Variants in HTR4 observed in about 807,000 individuals in gnomAD.
HTR4 encodes 5-hydroxytryptamine (serotonin) receptor 4, G protein-coupled.
In HTR4, 16 loss-of-function variants were observed where a neutral mutation model predicts 36.8. That is an observed-to-expected ratio of 0.43 (90% CI 0.29 to 0.66). The LOEUF (loss-of-function observed/expected upper bound fraction) is 0.66. HTR4 is among the 30% of genes least tolerant of loss of function. The probability of loss-of-function intolerance (pLI) is 0.13; values close to 1 mark genes in which losing one functional copy is unlikely to be tolerated. For synonymous variants in HTR4, 189 were observed against 185.1 expected, an observed-to-expected ratio of 1.02 and a Z score of -0.17; for missense variants, 438 against 490.9, an observed-to-expected ratio of 0.89 and a Z score of 1.02.
At chr5:148,653,466 A>G (rs1364918669) in intron 1 of HTR4, among the ~76,000 whole-genome samples, 1 of 152,184 alleles carries the variant, frequency 6.6e-6, no homozygotes, top group African/African-American at 2.4e-5. Flanking sequence ...GGATTCTGTG[A>G]AAGGCAACTG....
Position 148,494,242 on chromosome 5 carries a change from A to G in HTR4, c.1077-10949T>C, listed in dbSNP as rs1348225891. Among the ~76,000 whole-genome samples, 4 of 152,244 alleles carry G rather than the reference A, an allele frequency of 2.6e-5. No individual in the cohort carries two copies. The East Asian group carries it at 5.8e-4, about 22-fold the overall frequency. ...GAACATGTGTTTATTTAACAAATATATTAATTGAGCAATTTCTGCACCATG... is the reference window on the plus strand; with the variant it reads ...GAACATGTGTTTATTTAACAAATATGTTAATTGAGCAATTTCTGCACCATG... On this transcript the variant is annotated intron_variant, in intron 6 of 6. Transcript: ENST00000377888.
At chr5:148,462,355 G>A (rs1018610844) in intron 5 of HTR4, among the ~76,000 whole-genome samples, 2 of 152,022 alleles carry the variant, frequency 1.3e-5, no homozygotes, top group South Asian at 2.1e-4. Context: ...GACACCATGG[G>A]CATTAAAGGG....
At chr5:148,574,740 C>T (rs1760823730) in intron 2 of HTR4, among the ~76,000 whole-genome samples, 1 of 152,116 alleles carries the variant, frequency 6.6e-6, no homozygotes, top group South Asian at 2.1e-4. Context: ...TGAGGGACCA[C>T]AGTTCCTGTA....
intron 2 of HTR4, among the ~76,000 whole-genome samples, chr5:148,609,286 C>T (rs996750107): frequency 6.6e-6 from 1 of 152,102 alleles, no homozygotes; most frequent in Non-Finnish European, 1.5e-5. Flanking sequence ...GATCACATGC[C>T]CCCAAATAAA....
At chr5:148,478,788 C>T (rs905266647), downstream of HTR4, among the ~76,000 whole-genome samples, 1 of 151,966 alleles carries the variant, frequency 6.6e-6, no homozygotes, top group Admixed American at 6.6e-5. Flanking sequence ...TCTTGTCCAC[C>T]CCTGGCATTT....
At position 148,600,328 on chromosome 5, in the gene HTR4, G is replaced by A. The variant is rs1444636705; in HGVS notation, c.26+36661C>T. Reference sequence around the variant, plus strand: ...TATTATATTATATATTTTAATATATGTATATTATTTATATATATATATTTT... The same window carrying A: ...TATTATATTATATATTTTAATATATATATATTATTTATATATATATATTTT... On this transcript the variant is annotated intron_variant, in intron 2 of 6. Coordinates refer to ENST00000377888, the MANE Select transcript of HTR4 (RefSeq NM_000870.7). 3.5e-5 allele frequency among the ~76,000 whole-genome samples: 5 copies of A among 144,352 alleles called. No homozygotes were observed. The South Asian group carries it at 8.6e-4, about 25-fold the overall frequency. The allele number at this position is 144,352 out of a possible 152,430, so 94.7% of individuals were successfully genotyped here. A position where few individuals can be genotyped will look rare whatever the true frequency, so the allele number is the denominator to read the frequency against.
chr5:148,464,033 G>GAAAAAAAAAAAA (rs1247755469), intron 5 of HTR4, among the ~76,000 whole-genome samples: 1 of 56,968 alleles, frequency 1.8e-5, no homozygotes. Flanking sequence ...ACATTGACAT[G>GAAAAAAAAAAAA]CAAAAAAAAA....
intron 6 of HTR4, among the ~76,000 whole-genome samples, chr5:148,507,814 A>G (rs1041520274): frequency 2.6e-5 from 4 of 152,202 alleles, no homozygotes; most frequent in Admixed American, 2.6e-4. Context: ...ACCAGAGCAT[A>G]CGCTGTTTGT....
At chr5:148,574,811 G>A (rs539196208) in intron 2 of HTR4, among the ~76,000 whole-genome samples, 20 of 152,178 alleles carry the variant, frequency 1.3e-4, no homozygotes, top group Non-Finnish European at 2.5e-4. Flanking sequence ...TACAGTAAGT[G>A]AAATTTCCAC....
intron 2 of HTR4, among the ~76,000 whole-genome samples, chr5:148,619,918 AG>A (rs1375899611): frequency 2.6e-5 from 4 of 152,270 alleles, no homozygotes; most frequent in Non-Finnish European, 5.9e-5. Flanking sequence ...AATATAAAAA[AG>A]GATACCAAAA....
At chr5:148,609,764 C>T (rs1752333529) in intron 2 of HTR4, among the ~76,000 whole-genome samples, 2 of 152,096 alleles carry the variant, frequency 1.3e-5, no homozygotes, top group South Asian at 4.1e-4. Context: ...GACGGGGTTT[C>T]ACCGTGTTAG....
intron 1 of HTR4, among the ~76,000 whole-genome samples, chr5:148,640,617 T>G (rs1027398413): frequency 3.3e-5 from 5 of 152,194 alleles, no homozygotes; most frequent in African/African-American, 1.2e-4. Context: ...AGCAGTGTCT[T>G]AAGATAATTT....
intron 2 of HTR4, among the ~76,000 whole-genome samples, chr5:148,570,313 C>T (rs541665821): frequency 6.6e-6 from 1 of 152,208 alleles, no homozygotes; most frequent in East Asian, 1.9e-4. Flanking sequence ...AGCAGGCAGT[C>T]CCTTCCCTCA....
chr5:148,602,541 A>G lies in HTR4; in HGVS notation c.26+34448T>C, dbSNP rs114427234. 1.6e-3 allele frequency among the ~76,000 whole-genome samples: 241 copies of G among 152,334 alleles called. 3 individuals are homozygous for G. The highest frequency in any genetic ancestry group is 5.5e-3 in the African/African-American group (229 of 41,586). On this transcript the variant is annotated intron_variant, in intron 2 of 6. Coordinates refer to ENST00000377888, the MANE Select transcript of HTR4 (RefSeq NM_000870.7). Reference sequence around the variant, plus strand: ...CGTTATAAGAAAAATTGTTAAGAATATAATTTTTTCAAAACAGCTTAAATT... The same window carrying G: ...CGTTATAAGAAAAATTGTTAAGAATGTAATTTTTTCAAAACAGCTTAAATT...
intron 2 of HTR4, among the ~76,000 whole-genome samples, chr5:148,622,736 T>A (rs1752959295): frequency 6.6e-6 from 1 of 152,224 alleles, no homozygotes; most frequent in African/African-American, 2.4e-5. Flanking sequence ...ATTGTGAGAC[T>A]TAGATAACAA....
At chr5:148,545,470 T>C (rs551990452) in intron 4 of HTR4, among the ~76,000 whole-genome samples, 3 of 152,326 alleles carry the variant, frequency 2.0e-5, no homozygotes, top group Admixed American at 1.3e-4. Context: ...CTTCCTCCCA[T>C]TGGAATAGAA....
At chr5:148,558,646 G>A (rs1760061045) in intron 2 of HTR4, among the ~76,000 whole-genome samples, 1 of 152,156 alleles carries the variant, frequency 6.6e-6, no homozygotes, top group African/African-American at 2.4e-5. Context: ...TTGTCGTGAA[G>A]ATATGAGAAA....
chr5:148,604,562 G>A (rs565729065), intron 2 of HTR4, among the ~76,000 whole-genome samples: 1 of 152,236 alleles, frequency 6.6e-6, no homozygotes, highest in East Asian at 1.9e-4. Flanking sequence ...AAAAAAACTT[G>A]TATAGCACTC....
chr5:148,532,656 T>C (rs1454685267), intron 4 of HTR4, among the ~76,000 whole-genome samples: 3 of 152,180 alleles, frequency 2.0e-5, no homozygotes, highest in African/African-American at 7.2e-5. Context: ...AAATTATATA[T>C]ATGAAATACA....
Sources: allele counts gnomAD v4.1 joint callset (sites outside exome capture counted in the v4.1 genomes callset), GRCh38; gene constraint gnomAD v4.1.1; transcripts MANE v1.5; gene names NCBI Gene and HGNC (gene_info 2026-07-23, HGNC 2026-07-21).